KCNJ6: variants seen among roughly 807,000 people sequenced by gnomAD.
KCNJ6 encodes the protein potassium inwardly rectifying channel subfamily J member 6.
KCNJ6 carries 9 observed loss-of-function variants against 34.2 expected under a neutral mutation model. The ratio of observed to expected loss-of-function variants is 0.26; its 90% CI spans 0.16 to 0.46. The LOEUF is 0.46. KCNJ6 is among the 20% of genes least tolerant of loss of function. The pLI is 1.00. For synonymous variants in KCNJ6, 196 were observed against 207.1 expected, an observed-to-expected ratio of 0.95 and a Z score of 0.46; for missense variants, 236 against 531.3, an observed-to-expected ratio of 0.44 and a Z score of 5.46.
intron 1 of KCNJ6, among the ~76,000 whole-genome samples, chr21:37,892,532 C>T (rs957363293): frequency 2.0e-4 from 30 of 152,090 alleles, no homozygotes; most frequent in African/African-American, 6.0e-4. Flanking sequence ...ATTTGGGATA[C>T]CTTTGGGCAA....
intron 1 of KCNJ6, among the ~76,000 whole-genome samples, chr21:37,849,203 G>T (rs2055525395): frequency 6.6e-6 from 1 of 152,130 alleles, no homozygotes; most frequent in African/African-American, 2.4e-5. Flanking sequence ...ACCTATTCTA[G>T]GTTTGGTCCC....
Position 37,619,778 on chromosome 21 carries a change from C to T in KCNJ6, c.*5381G>A, listed in dbSNP as rs1240929458. 2.6e-5 allele frequency: 4 copies of T among 152,248 alleles called. No individual in the cohort carries two copies. Among genetic ancestry groups the T allele is most frequent in the Admixed American group, 1.3e-4 (2 of 15,280 alleles). The allele number at this position is 152,248 out of a possible 1,614,324, so 9.4% of individuals were successfully genotyped here. ...AGAGACTGGCAGCCTGAGCTATGTA[C>T]ATCATCCAACGCCTGAGGGTGCCAC... On this transcript the variant is annotated 3_prime_UTR_variant, in exon 4 of 4. Coordinates refer to ENST00000609713, the MANE Select transcript of KCNJ6 (RefSeq NM_002240.5).
intron 2 of KCNJ6, among the ~76,000 whole-genome samples, chr21:37,762,782 G>C (rs1012108807): frequency 5.3e-5 from 8 of 152,170 alleles, no homozygotes; most frequent in Non-Finnish European, 1.2e-4. Context: ...ATCCCCTGGG[G>C]AGGTTTTAAA....
chr21:37,745,072 GTTTTTTTTTTTTTTTTT>G lies in KCNJ6; in HGVS notation c.26-29958_26-29942del, dbSNP rs58661633. ...AGAAGGACTTAGCCCAACGTTGCTG[GTTTTTTTTTTTTTTTTT>G]TTTTTTTTTTTTTTTTTTTTTGACA... On this transcript the variant is annotated intron_variant, in intron 2 of 3. Transcript: ENST00000609713. Among the ~76,000 whole-genome samples the G allele has an allele frequency of 9.6e-3, 861 of 89,464 alleles. 17 individuals carry two copies. Among genetic ancestry groups the G allele is most frequent in the African/African-American group, 0.039 (783 of 19,954 alleles). The allele number at this position is 89,464 out of a possible 152,430, so 58.7% of individuals were successfully genotyped here.
chr21:37,714,269 C>G lies in KCNJ6; in HGVS notation c.888G>C (p.Gln296His), dbSNP rs1259709882. 1 of 1,614,022 alleles carries G rather than the reference C, an allele frequency of 6.2e-7. No homozygotes were observed. The highest frequency in any genetic ancestry group is 8.5e-7 in the Non-Finnish European group (1 of 1,180,008). ...QSPFWEISKA[Q>H]LPKEELEIVV... ...CAATTTCCAGTTCCTCTTTGGGCAGCTGGGCTTTGGAGATCTCCCAGAAAG... is the reference window on the plus strand; with the variant it reads ...CAATTTCCAGTTCCTCTTTGGGCAGGTGGGCTTTGGAGATCTCCCAGAAAG... The change falls in exon 3 of 4, where the codon CAG becomes CAC. Residue 296 changes from glutamine (Q) to histidine (H), a missense_variant. This residue lies in a region of KCNJ6 where 60 missense variants were observed against 207.3 expected (regional missense o/e 0.29). Coordinates refer to ENST00000609713, the MANE Select transcript of KCNJ6 (RefSeq NM_002240.5). The surrounding 1 kb of genome is among the most constrained non-coding windows in gnomAD (Gnocchi z 5.9).
At position 37,632,299 on chromosome 21, in the gene KCNJ6, A is replaced by G. The variant is rs576080098; in HGVS notation, c.947-6815T>C. Among the ~76,000 whole-genome samples the G allele has an allele frequency of 2.0e-4, 27 of 135,174 alleles. No homozygotes were observed. The South Asian group carries it at 6.1e-3, about 31-fold the overall frequency. 88.7% of individuals were successfully genotyped at this position (135,174 alleles called of 152,430 possible). ...CACACTTCTAAATGTCAAAGAAGAAACCATAATGGAAATTTGATAGTACTT... is the reference window on the plus strand; with the variant it reads ...CACACTTCTAAATGTCAAAGAAGAAGCCATAATGGAAATTTGATAGTACTT... On this transcript the variant is annotated intron_variant, in intron 3 of 3. Coordinates refer to ENST00000609713, the MANE Select transcript of KCNJ6 (RefSeq NM_002240.5).
intron 1 of KCNJ6, among the ~76,000 whole-genome samples, chr21:37,853,339 C>T (rs1601502037): frequency 6.6e-6 from 1 of 151,940 alleles, no homozygotes; most frequent in East Asian, 1.9e-4. Context: ...AGGTTTTCTA[C>T]TTAGAAACTG....
intron 2 of KCNJ6, among the ~76,000 whole-genome samples, chr21:37,770,576 A>G (rs1235577379): frequency 1.3e-5 from 2 of 152,196 alleles, no homozygotes; most frequent in Admixed American, 6.5e-5. Context: ...GCTGAATGTC[A>G]CAATGGAAAA....
chr21:37,781,794 T>C (rs1490017733), intron 2 of KCNJ6, among the ~76,000 whole-genome samples: 1 of 152,168 alleles, frequency 6.6e-6, no homozygotes, highest in Admixed American at 6.5e-5. Flanking sequence ...GATCATTCCC[T>C]GGTCATAGCT....
At chr21:37,690,461 C>T (rs187118544) in intron 3 of KCNJ6, among the ~76,000 whole-genome samples, 334 of 152,262 alleles carry the variant, frequency 2.2e-3, no homozygotes, top group African/African-American at 7.6e-3. Context: ...CAGCCAATGT[C>T]TACTGTGGAG....
Position 37,616,388 on chromosome 21 carries a change from T to A in KCNJ6, c.*8771A>T, listed in dbSNP as rs1174270411. Reference sequence around the variant, plus strand: ...GAGGAAGCACTGGGCTGAATAAAGATGTTCAGGAGCTTCTTTGGCAAGCTG... The same window carrying A: ...GAGGAAGCACTGGGCTGAATAAAGAAGTTCAGGAGCTTCTTTGGCAAGCTG... On this transcript the variant is annotated 3_prime_UTR_variant, in exon 4 of 4. Coordinates refer to ENST00000609713, the MANE Select transcript of KCNJ6 (RefSeq NM_002240.5). 2 of 151,364 alleles carry A rather than the reference T, an allele frequency of 1.3e-5. No individual in the cohort carries two copies. Among genetic ancestry groups the A allele is most frequent in the African/African-American group, 4.9e-5 (2 of 41,106 alleles). The allele number at this position is 151,364 out of a possible 1,614,324, so 9.4% of individuals were successfully genotyped here.
intron 1 of KCNJ6, among the ~76,000 whole-genome samples, chr21:37,855,271 G>A (rs1394940991): frequency 6.6e-6 from 1 of 152,178 alleles, no homozygotes; most frequent in African/African-American, 2.4e-5. Context: ...GCTGCAGTGA[G>A]GTTGCAGTTC....
At chr21:37,860,575 C>T (rs2055589645) in intron 1 of KCNJ6, among the ~76,000 whole-genome samples, 1 of 152,190 alleles carries the variant, frequency 6.6e-6, no homozygotes, top group Non-Finnish European at 1.5e-5. Flanking sequence ...GCATGGAGTT[C>T]CTGCAGGATC....
chr21:37,855,766 A>G (rs2055561976), intron 1 of KCNJ6, among the ~76,000 whole-genome samples: 1 of 152,220 alleles, frequency 6.6e-6, no homozygotes, highest in Non-Finnish European at 1.5e-5. Flanking sequence ...ACCGTGATGA[A>G]TATTTTTCCA....
intron 3 of KCNJ6, among the ~76,000 whole-genome samples, chr21:37,655,279 G>T (rs903570775): frequency 1.8e-4 from 17 of 96,000 alleles, no homozygotes; most frequent in South Asian, 9.1e-4. Context: ...GAGAGAGAGA[G>T]AGAGAGTGTA....
intron 3 of KCNJ6, among the ~76,000 whole-genome samples, chr21:37,704,175 C>A (rs1025266838): frequency 2.0e-5 from 3 of 152,206 alleles, no homozygotes; most frequent in Admixed American, 1.3e-4. Flanking sequence ...CTGGAGGGAC[C>A]AGGAAAGTGC....
At chr21:37,819,187 T>C (rs1749168940) in intron 2 of KCNJ6, among the ~76,000 whole-genome samples, 1 of 152,162 alleles carries the variant, frequency 6.6e-6, no homozygotes, top group Non-Finnish European at 1.5e-5. Flanking sequence ...TGGCAACAGA[T>C]AGTGAATGAT....
At chr21:37,646,962 C>T (rs560521831) in intron 3 of KCNJ6, among the ~76,000 whole-genome samples, 5 of 152,160 alleles carry the variant, frequency 3.3e-5, no homozygotes, top group Non-Finnish European at 7.3e-5. Flanking sequence ...CCTGAGCCAC[C>T]GTGCCTGGCC....
chr21:37,867,475 T>G (rs2055628403), intron 1 of KCNJ6, among the ~76,000 whole-genome samples: 1 of 152,248 alleles, frequency 6.6e-6, no homozygotes. Flanking sequence ...ATCTTGCCTT[T>G]TGAGAGTAAT....
Sources: gnomAD v4.1 joint callset for allele counts (sites outside exome capture counted in the v4.1 genomes callset) on GRCh38, gnomAD v4.1.1 for gene constraint, gnomAD v4.1.1 regional missense constraint, Gnocchi (gnomAD v3.1) non-coding constraint, MANE v1.5 for transcripts, NCBI Gene and HGNC (gene_info 2026-07-23, HGNC 2026-07-21) for gene names.